Variants in CUX2 observed in about 807,000 individuals in gnomAD.
CUX2 encodes the protein homeobox protein cut-like 2.
Under a neutral mutation model 144.8 loss-of-function variants are expected in CUX2, and 40 were observed. The observed-to-expected ratio is 0.28, with a 90% CI of 0.21 to 0.36. The LOEUF (loss-of-function observed/expected upper bound fraction) is 0.36, where lower values mean the gene tolerates loss of function less well. Among genes scored for constraint, CUX2 ranks in the 10% least tolerant of loss-of-function variants. The pLI, the probability that CUX2 is intolerant of heterozygous loss-of-function variation, is 1.00. For synonymous variants in CUX2, 827 were observed against 875.6 expected (o/e 0.94, Z 0.98); for missense variants, 1,615 against 1,994.0 (o/e 0.81, Z 3.62).
chr12:111,276,207 G>T (rs543939786), intron 4 of CUX2, among the ~76,000 whole-genome samples: 8 of 152,170 alleles, frequency 5.3e-5, no homozygotes, highest in Admixed American at 4.6e-4. Context: ...TTTAAAAATA[G>T]CTGGGCATGG....
At chr12:111,316,211 G>A (rs1887183734) in intron 16 of CUX2, among the ~76,000 whole-genome samples, 1 of 148,100 alleles carries the variant, frequency 6.8e-6, no homozygotes, top group Non-Finnish European at 1.5e-5. Context: ...GCGCAATCTC[G>A]GCTCACCACA....
At chr12:111,198,661 G>A (rs1880387738) in intron 1 of CUX2, among the ~76,000 whole-genome samples, 2 of 152,230 alleles carry the variant, frequency 1.3e-5, no homozygotes, top group Admixed American at 1.3e-4. Context: ...TGGAAAAGGA[G>A]GAAGGAGAAA....
chr12:111,284,938 T>A (rs533508777), intron 4 of CUX2, among the ~76,000 whole-genome samples: 2 of 151,948 alleles, frequency 1.3e-5, no homozygotes, highest in Admixed American at 6.6e-5. Flanking sequence ...ACTGCAGGAG[T>A]CCACCCCTCC....
intron 2 of CUX2, among the ~76,000 whole-genome samples, chr12:111,215,742 C>G (rs1881494947): frequency 6.6e-6 from 1 of 152,190 alleles, no homozygotes; most frequent in African/African-American, 2.4e-5. Context: ...GGCCCCACAT[C>G]TTCACAGCTG....
chr12:111,161,275 A>T (rs966344611), intron 1 of CUX2, among the ~76,000 whole-genome samples: 5 of 152,144 alleles, frequency 3.3e-5, no homozygotes, highest in African/African-American at 1.2e-4. Context: ...ACTCAGCCCA[A>T]AATGAACCAG....
At chr12:111,333,907 G>T (rs1693747679) in intron 18 of CUX2, among the ~76,000 whole-genome samples, 1 of 151,762 alleles carries the variant, frequency 6.6e-6, no homozygotes, top group African/African-American at 2.4e-5. Flanking sequence ...CTAAGCATCG[G>T]CCAGGTGTGG....
chr12:111,124,838 T>G (rs1244372487), intron 1 of CUX2, among the ~76,000 whole-genome samples: 3 of 152,218 alleles, frequency 2.0e-5, no homozygotes, highest in Non-Finnish European at 4.4e-5. Context: ...GTTGCTATTT[T>G]GATGTCCATG....
chr12:111,136,925 C>A (rs1263189073), intron 1 of CUX2, among the ~76,000 whole-genome samples: 1 of 150,854 alleles, frequency 6.6e-6, no homozygotes, highest in Non-Finnish European at 1.5e-5. Flanking sequence ...TAAGAATCCG[C>A]TGTTTATTTT....
At chr12:111,324,794 C>T (rs1458224160) in intron 18 of CUX2, among the ~76,000 whole-genome samples, 1 of 152,180 alleles carries the variant, frequency 6.6e-6, no homozygotes, top group Non-Finnish European at 1.5e-5. Context: ...GCCACAGCAC[C>T]TGGCCCTTTC....
rs1227047616 is a variant in CUX2, at chr12:111,328,941, A to ATC, written c.2927-5467_2927-5466dup. 9.5e-3 allele frequency among the ~76,000 whole-genome samples: 274 copies of ATC among 28,966 alleles called. 13 individuals are homozygous for ATC. Among genetic ancestry groups the ATC allele is most frequent in the African/African-American group, 0.03 (115 of 3,772 alleles). The allele number at this position is 28,966 out of a possible 152,430, so 19.0% of individuals were successfully genotyped here. A position where few individuals can be genotyped will look rare whatever the true frequency, so the allele number is the denominator to read the frequency against. ...CACTCTGCATTTTTTTGATTCACCT[A>ATC]TCTCTCTCTCTCTCTCTCTCTCTCT... On this transcript the variant is annotated intron_variant, in intron 18 of 21. Coordinates refer to ENST00000261726, the MANE Select transcript of CUX2 (RefSeq NM_015267.4).
Position 111,266,272 on chromosome 12 carries a change from T to C in CUX2, c.301+2433T>C, listed in dbSNP as rs531108334. On this transcript the variant is annotated intron_variant, in intron 4 of 21. Transcript: ENST00000261726. ...CAGGAGGATCACTTGAGGTCAGAAG[T>C]TCAAGACAACCCTGGTCAACATGGG... Among the ~76,000 whole-genome samples the C allele has an allele frequency of 2.0e-3, 308 of 151,640 alleles. 3 individuals are homozygous for C. Among genetic ancestry groups the C allele is most frequent in the African/African-American group, 7.1e-3 (294 of 41,360 alleles).
chr12:111,319,920 G>A (rs1386077357), intron 16 of CUX2, 92 bp from the exon 17 acceptor site: 6 of 1,396,728 alleles, frequency 4.3e-6, no homozygotes, highest in Admixed American at 3.3e-5. Flanking sequence ...CCTGGACACC[G>A]TGCTGGCATC....
intron 1 of CUX2, among the ~76,000 whole-genome samples, chr12:111,051,200 T>C (rs887037444): frequency 6.6e-6 from 1 of 152,238 alleles, no homozygotes; most frequent in African/African-American, 2.4e-5. Context: ...AAAGCCTCAA[T>C]GTAACTAACC....
At chr12:111,324,452 C>A (rs1292032561) in intron 18 of CUX2, among the ~76,000 whole-genome samples, 1 of 151,644 alleles carries the variant, frequency 6.6e-6, no homozygotes, top group Non-Finnish European at 1.5e-5. Context: ...AGAGGCAGGG[C>A]GTGGTGACTT....
rs370743183 is a variant in CUX2, at chr12:111,054,210, A to C, written c.63+19970A>C. Among the ~76,000 whole-genome samples the C allele has an allele frequency of 3.3e-5, 5 of 152,212 alleles. No individual in the cohort carries two copies. In the East Asian group the frequency reaches 7.7e-4, roughly 23 times the overall value. ...GATTCCTGGCTTTCTCTTCAGTGTG[A>C]GAGCTGGCGTCCCCGGGCCTGCATT... is the stretch of plus-strand genomic sequence containing the variant. On this transcript the variant is annotated intron_variant, in intron 1 of 21. Transcript: ENST00000261726.
At chr12:111,185,664 G>A (rs1030640105) in intron 1 of CUX2, among the ~76,000 whole-genome samples, 2 of 152,168 alleles carry the variant, frequency 1.3e-5, no homozygotes, top group Non-Finnish European at 2.9e-5. Flanking sequence ...AGGGGACCCC[G>A]GCACACACTC....
At chr12:111,319,005 G>A (rs1887358088) in intron 16 of CUX2, among the ~76,000 whole-genome samples, 1 of 152,066 alleles carries the variant, frequency 6.6e-6, no homozygotes, top group African/African-American at 2.4e-5. Context: ...TGGGCATTTG[G>A]ATTCATTGCT....
chr12:111,279,980 C>CA (rs1485802288), intron 4 of CUX2, among the ~76,000 whole-genome samples: 1 of 150,430 alleles, frequency 6.6e-6, no homozygotes, highest in African/African-American at 2.4e-5. Context: ...GACTCCGTCT[C>CA]AAAAATAAAC....
chr12:111,331,638 G>A (rs895337971), intron 18 of CUX2, among the ~76,000 whole-genome samples: 1 of 152,118 alleles, frequency 6.6e-6, no homozygotes, highest in Admixed American at 6.6e-5. Flanking sequence ...ATGGCCCCAA[G>A]TAGTATGTAT....
Sources: gnomAD v4.1 joint callset for allele counts (sites outside exome capture counted in the v4.1 genomes callset) on GRCh38, gnomAD v4.1.1 for gene constraint, MANE v1.5 for transcripts, NCBI Gene and HGNC (gene_info 2026-07-23, HGNC 2026-07-21) for gene names.